The following SWT1 variants were observed in gnomAD, a reference collection of about 807,000 sequenced individuals.
SWT1 encodes transcriptional protein SWT1.
SWT1 carries 33 observed loss-of-function variants against 107.3 expected under a neutral mutation model. The observed-to-expected ratio is 0.31, with a 90% CI of 0.23 to 0.41. The LOEUF (loss-of-function observed/expected upper bound fraction) is 0.41. Ranked by LOEUF, SWT1 falls within the 10% of genes least tolerant of loss-of-function variation. The probability of loss-of-function intolerance (pLI) is 1.00; values close to 1 mark genes in which losing one functional copy is unlikely to be tolerated. For synonymous variants in SWT1, 345 were observed against 348.3 expected (o/e 0.99, Z 0.11); for missense variants, 898 against 1,028.9 (o/e 0.87, Z 1.74).
chr1:185,227,171 A>T, intron 15 of SWT1: 1 of 981,618 alleles, frequency 1.0e-6, no homozygotes, highest in East Asian at 2.4e-5. Flanking sequence ...ATTGTTTGGT[A>T]CTATGAGGGA....
chr1:185,171,068 C>A (rs1655013443), intron 4 of SWT1, among the ~76,000 whole-genome samples: 1 of 152,104 alleles, frequency 6.6e-6, no homozygotes, highest in Non-Finnish European at 1.5e-5. Flanking sequence ...ATCTCCCCAC[C>A]CTCATCTACC....
intron 5 of SWT1, among the ~76,000 whole-genome samples, chr1:185,179,228 C>T (rs868600228): frequency 2.5e-4 from 38 of 152,208 alleles, no homozygotes; most frequent in Middle Eastern, 3.4e-3. Flanking sequence ...GAGATCATGC[C>T]ACTACACTCC....
intron 10 of SWT1, among the ~76,000 whole-genome samples, chr1:185,192,116 A>T (rs1422397445): frequency 1.3e-5 from 2 of 152,172 alleles, no homozygotes; most frequent in Non-Finnish European, 2.9e-5. Flanking sequence ...CTTTTATAAC[A>T]CTTATATACT....
Position 185,180,460 on chromosome 1 carries a change from ATTC to A in SWT1, c.1026+13_1026+15del. 3 of 1,590,650 alleles carry A rather than the reference ATTC, an allele frequency of 1.9e-6. No individual in the cohort carries two copies. The highest frequency in any genetic ancestry group is 2.6e-6 in the Non-Finnish European group (3 of 1,158,832). On this transcript the variant is annotated intron_variant, in intron 6 of 18. Coordinates refer to ENST00000367500, the MANE Select transcript of SWT1 (RefSeq NM_017673.7). ...GGATGCAGATCAAGAGGTTATTGAT[ATTC>A]TTGTTTACTTTGATATTTTTAATGA...
chr1:185,244,815 C>T (rs535430284), intron 16 of SWT1, among the ~76,000 whole-genome samples: 15 of 152,156 alleles, frequency 9.9e-5, no homozygotes, highest in African/African-American at 2.6e-4. Flanking sequence ...GCATGGTGGC[C>T]GACACCTGTA....
chr1:185,201,514 G>A (rs1657881099), intron 10 of SWT1, among the ~76,000 whole-genome samples: 1 of 152,146 alleles, frequency 6.6e-6, no homozygotes, highest in African/African-American at 2.4e-5. Context: ...GGAGTTCCCT[G>A]ACCTCTTGCA....
chr1:185,283,794 A>G (rs1042285796), intron 18 of SWT1, among the ~76,000 whole-genome samples: 2 of 152,182 alleles, frequency 1.3e-5, no homozygotes, highest in Non-Finnish European at 2.9e-5. Flanking sequence ...ACATTTTAGC[A>G]TATATCAATA....
intron 15 of SWT1, among the ~76,000 whole-genome samples, chr1:185,223,326 C>G (rs1659814311): frequency 6.6e-6 from 1 of 151,994 alleles, no homozygotes; most frequent in Admixed American, 6.6e-5. Flanking sequence ...AAACGATCCT[C>G]TCACCTCATT....
At chr1:185,251,781 A>C (rs146062548) in intron 16 of SWT1, among the ~76,000 whole-genome samples, 4 of 151,038 alleles carry the variant, frequency 2.6e-5, no homozygotes, top group Middle Eastern at 6.9e-3. Flanking sequence ...TAAGTAAAAC[A>C]ATTTATATAT....
chr1:185,189,119 T>C (rs930005701), intron 9 of SWT1, among the ~76,000 whole-genome samples: 1 of 152,078 alleles, frequency 6.6e-6, no homozygotes, highest in African/African-American at 2.4e-5. Context: ...GCTGGGACTA[T>C]ATGACTACAG....
At position 185,282,376 on chromosome 1, in the gene SWT1, T is replaced by TA. The variant is rs375386754; in HGVS notation, c.2573+5720dup. On this transcript the variant is annotated intron_variant, in intron 18 of 18. Transcript: ENST00000367500. The stretch of plus-strand genomic sequence containing the variant: ...CGAAGACACAATTAAATGGTTTGGT[T>TA]AAAAAAAAAAAATCCCTGAACTACC... Among the ~76,000 whole-genome samples the TA allele has an allele frequency of 5.9e-3, 856 of 144,888 alleles. 8 individuals are homozygous for TA. Among genetic ancestry groups the TA allele is most frequent in the African/African-American group, 0.019 (753 of 39,738 alleles).
chr1:185,242,188 G>A (rs958794974), intron 16 of SWT1, among the ~76,000 whole-genome samples: 1 of 152,038 alleles, frequency 6.6e-6, no homozygotes, highest in Non-Finnish European at 1.5e-5. Context: ...AGCTTTTATG[G>A]TATCTATATT....
intron 18 of SWT1, among the ~76,000 whole-genome samples, chr1:185,282,022 T>C: frequency 6.6e-6 from 1 of 152,206 alleles, no homozygotes; most frequent in Admixed American, 6.5e-5. Flanking sequence ...TTTCAATTGC[T>C]GTGAGTTGAG....
chr1:185,215,961 T>G (rs1418836401), intron 14 of SWT1, among the ~76,000 whole-genome samples: 1 of 152,060 alleles, frequency 6.6e-6, no homozygotes, highest in Non-Finnish European at 1.5e-5. Flanking sequence ...AGATATTATG[T>G]TCTCTTTTTT....
chr1:185,238,913 A>T (rs1207992218), intron 16 of SWT1, among the ~76,000 whole-genome samples: 2 of 152,150 alleles, frequency 1.3e-5, no homozygotes, highest in Non-Finnish European at 2.9e-5. Context: ...TAAATTTAAA[A>T]TTAAATATTG....
intron 3 of SWT1, 95 bp from the exon 4 acceptor site, chr1:185,168,241 TTAAG>T (rs1654750269): frequency 4.3e-6 from 3 of 696,970 alleles, no homozygotes; most frequent in Non-Finnish European, 6.3e-6. Context: ...ACTGGAAAGA[TTAAG>T]TAAAAGTATT....
Position 185,204,853 on chromosome 1 carries a change from T to C in SWT1, c.1823T>C (p.Leu608Pro). 6.4e-7 allele frequency: 1 copy of C among 1,572,700 alleles called. No homozygotes were observed. Among genetic ancestry groups the C allele is most frequent in the Admixed American group, 1.9e-5 (1 of 52,102 alleles). Residue 608 changes from leucine (L) to proline (P), a missense_variant, in exon 12 of 19, where the codon CTT becomes CCT. Around this residue, in one of 6 missense-constraint regions of SWT1, gnomAD observed 382 missense variants for 460.0 expected, o/e 0.83. Transcript: ENST00000367500. ...ETEMKIAFGN[L>P]WMEILYLKPP... is the part of the protein sequence containing the mutation. ...GAAATGAAAATTGCTTTTGGAAACC[T>C]TTGGATGGAGGTGATTAGTTGAACT...
chr1:185,276,947 T>C (rs1404548135), intron 18 of SWT1, among the ~76,000 whole-genome samples: 1 of 152,212 alleles, frequency 6.6e-6, no homozygotes, highest in Non-Finnish European at 1.5e-5. Context: ...TTTTTTTGTA[T>C]GGGTCATTAT....
chr1:185,225,147 A>G (rs1659954774), intron 15 of SWT1, among the ~76,000 whole-genome samples: 3 of 152,054 alleles, frequency 2.0e-5, no homozygotes, highest in Admixed American at 2.0e-4. Flanking sequence ...AATTTTGTCA[A>G]ATGGTTTTTC....
Sources: gnomAD v4.1 joint callset for allele counts (sites outside exome capture counted in the v4.1 genomes callset) on GRCh38, gnomAD v4.1.1 for gene constraint, gnomAD v4.1.1 regional missense constraint, MANE v1.5 for transcripts, NCBI Gene and HGNC (gene_info 2026-07-23, HGNC 2026-07-21) for gene names.